SYAP1: variants seen among roughly 807,000 people sequenced by gnomAD.
SYAP1 encodes synapse-associated protein 1.
In SYAP1, 3 loss-of-function variants were observed where a neutral mutation model predicts 29.6. That is an observed-to-expected ratio of 0.10 (90% CI 0.05 to 0.26). The LOEUF (loss-of-function observed/expected upper bound fraction) is 0.26. Ranked by LOEUF, SYAP1 falls within the 10% of genes least tolerant of loss-of-function variation. The probability of loss-of-function intolerance (pLI) is 1.00; values close to 1 mark genes in which losing one functional copy is unlikely to be tolerated. For synonymous variants in SYAP1, 102 were observed against 102.7 expected, an observed-to-expected ratio of 0.99 and a Z score of 0.04; for missense variants, 217 against 264.1, an observed-to-expected ratio of 0.82 and a Z score of 1.24.
At chrX:16,740,783 G>A in intron 3 of SYAP1, among the ~76,000 whole-genome samples, 1 of 111,180 alleles carries the variant, frequency 9.0e-6, no homozygotes, top group African/African-American at 3.3e-5. Flanking sequence ...ATACTTTACT[G>A]TTCATCAGTT....
At chrX:16,726,149 GA>G (rs1226214763) in intron 1 of SYAP1, among the ~76,000 whole-genome samples, 1 of 111,880 alleles carries the variant, frequency 8.9e-6, no homozygotes, top group African/African-American at 3.2e-5. Context: ...CGCAAAATTA[GA>G]AAGTTTTCCA....
chrX:16,757,238 A>C lies in SYAP1; in HGVS notation c.860A>C (p.Gln287Pro), dbSNP rs1375985417. The C allele has an allele frequency of 5.8e-6, 7 of 1,210,911 alleles. No individual in the cohort carries two copies. The East Asian group carries it at 1.8e-4, about 31-fold the overall frequency. Residue 287 changes from glutamine to proline, a missense_variant, in exon 8 of 9, where the codon CAG (glutamine) becomes CCG (proline). Coordinates refer to ENST00000380155, the MANE Select transcript of SYAP1 (RefSeq NM_032796.4). ...SDAFDACNLN[Q>P]EDLRKEMEQL... ...GCCTTCGATGCCTGTAACCTAAATCAGGAAGATCTAAGGAAAGAAATGGAG... is the reference window on the plus strand; with the variant it reads ...GCCTTCGATGCCTGTAACCTAAATCCGGAAGATCTAAGGAAAGAAATGGAG...
At chrX:16,759,123 C>T (rs12398794) in intron 8 of SYAP1, among the ~76,000 whole-genome samples, 34,196 of 105,210 alleles carry the variant, frequency 0.33, 4,386 homozygotes, top group East Asian at 0.54. Context: ...ACCCAGGAAG[C>T]GGAGCTTGCA....
intron 1 of SYAP1, among the ~76,000 whole-genome samples, chrX:16,720,233 C>T (rs1487638178): frequency 8.9e-6 from 1 of 112,255 alleles, no homozygotes; most frequent in African/African-American, 3.2e-5. Flanking sequence ...AACTCGAAAA[C>T]CTTCATTTAC....
At chrX:16,725,384 C>T (rs756792155) in intron 1 of SYAP1, among the ~76,000 whole-genome samples, 4 of 111,870 alleles carry the variant, frequency 3.6e-5, no homozygotes, top group Non-Finnish European at 7.5e-5. Flanking sequence ...CGGTGGCTTA[C>T]AGTTGTCATC....
At chrX:16,748,772 TGA>T in intron 5 of SYAP1, among the ~76,000 whole-genome samples, 1 of 98,821 alleles carries the variant, frequency 1.0e-5, no homozygotes, top group Non-Finnish European at 2.1e-5. Flanking sequence ...TTTTTTTTTT[TGA>T]GACAGAGTCT....
In SYAP1 at chrX:16,755,097, T is replaced by C. The variant is rs1362865817; in HGVS notation, c.724+4T>C. 1 of 1,210,774 alleles carries C rather than the reference T, an allele frequency of 8.3e-7. No homozygotes were observed. The highest frequency in any genetic ancestry group is 1.7e-5 in the African/African-American group (1 of 57,778). On this transcript the variant is annotated splice_donor_region_variant and intron_variant, in intron 6 of 8. Coordinates refer to ENST00000380155, the MANE Select transcript of SYAP1 (RefSeq NM_032796.4). Reference sequence around the variant, plus strand: ...GAGCAAGATTTGCCGCTGGCAGGTATATTCTGGGTAGAAGACAGCACTCTA... The same window carrying C: ...GAGCAAGATTTGCCGCTGGCAGGTACATTCTGGGTAGAAGACAGCACTCTA...
At chrX:16,735,639 T>C (rs996154033) in intron 2 of SYAP1, among the ~76,000 whole-genome samples, 1 of 112,044 alleles carries the variant, frequency 8.9e-6, no homozygotes. Flanking sequence ...TGTTTGTTTG[T>C]TTTGAGATGG....
At chrX:16,734,342 C>T (rs112797670) in intron 1 of SYAP1, among the ~76,000 whole-genome samples, 7,636 of 105,248 alleles carry the variant, frequency 0.073, 654 homozygotes, top group African/African-American at 0.25. Context: ...TCTGAGATCA[C>T]GCCACTGCAC....
At chrX:16,752,363 G>A (rs1569252347) in intron 5 of SYAP1, among the ~76,000 whole-genome samples, 2 of 75,699 alleles carry the variant, frequency 2.6e-5, no homozygotes, top group Admixed American at 1.7e-4. Context: ...AGTTATCAAT[G>A]GATTATTATT....
chrX:16,755,169 C>A, intron 6 of SYAP1, 76 bp downstream of exon 6: 1 of 1,031,432 alleles, frequency 9.7e-7, no homozygotes, highest in Non-Finnish European at 1.3e-6. Context: ...ACCTCTTATA[C>A]GTACCAGAAA....
intron 1 of SYAP1, among the ~76,000 whole-genome samples, chrX:16,733,636 G>T (rs867787117): frequency 9.1e-6 from 1 of 110,415 alleles, no homozygotes; most frequent in Admixed American, 9.7e-5. Flanking sequence ...GTAGGATGTG[G>T]ACTTTGAAAT....
chrX:16,727,232 C>A (rs1270156099), intron 1 of SYAP1, among the ~76,000 whole-genome samples: 1 of 101,526 alleles, frequency 9.8e-6, no homozygotes, highest in Non-Finnish European at 2.0e-5. Context: ...CAAGAAAAAT[C>A]ATTTTCTTTT....
At chrX:16,740,599 C>G (rs1427698044) in intron 3 of SYAP1, among the ~76,000 whole-genome samples, 2 of 111,139 alleles carry the variant, frequency 1.8e-5, no homozygotes, top group African/African-American at 3.3e-5. Context: ...CTAAATTGCT[C>G]TAGCTTTATT....
intron 4 of SYAP1, among the ~76,000 whole-genome samples, 174 bp from the exon 5 acceptor site, chrX:16,743,527 G>A (rs1351887964): frequency 3.7e-5 from 4 of 107,432 alleles, no homozygotes; most frequent in Non-Finnish European, 5.8e-5. Context: ...CCAGCTACTC[G>A]GGAGACTGAG....
intron 1 of SYAP1, among the ~76,000 whole-genome samples, chrX:16,723,183 C>T (rs1438939935): frequency 8.9e-6 from 1 of 111,749 alleles, no homozygotes; most frequent in African/African-American, 3.3e-5. Context: ...CAAGTTCCAG[C>T]TGCCTAACTT....
chrX:16,721,446 G>C (rs1362804547), intron 1 of SYAP1, among the ~76,000 whole-genome samples: 1 of 111,212 alleles, frequency 9.0e-6, no homozygotes, highest in Non-Finnish European at 1.9e-5. Context: ...TGGGCAGGCT[G>C]GGCCCTAACG....
chrX:16,757,547 C>T (rs1406280743), intron 8 of SYAP1, among the ~76,000 whole-genome samples: 3 of 109,015 alleles, frequency 2.8e-5, no homozygotes, highest in South Asian at 3.9e-4. Context: ...GGTGAAACCC[C>T]GTCTCTACTA....
At chrX:16,746,012 CTG>C (rs1306389370) in intron 5 of SYAP1, among the ~76,000 whole-genome samples, 1 of 109,934 alleles carries the variant, frequency 9.1e-6, no homozygotes, top group African/African-American at 3.3e-5. Flanking sequence ...GGTTTTCTGT[CTG>C]TGAAAACACC....
Sources: gnomAD v4.1 joint callset for allele counts (sites outside exome capture counted in the v4.1 genomes callset) on GRCh38, gnomAD v4.1.1 for gene constraint, MANE v1.5 for transcripts, NCBI Gene and HGNC (gene_info 2026-07-23, HGNC 2026-07-21) for gene names.